SLC68A1: variants seen among roughly 807,000 people sequenced by gnomAD.
SLC68A1 encodes solute carrier family 68 member 1.
chr10:102,475,181 A>G, the SLC68A1 span, among the ~76,000 whole-genome samples: 1 of 152,224 alleles, frequency 6.6e-6, no homozygotes, highest in South Asian at 2.1e-4. Context: ...CTGTAGCCCC[A>G]GCTATTTGGG....
chr10:102,469,131 G>A, the SLC68A1 span: 1 of 1,614,152 alleles, frequency 6.2e-7, no homozygotes, highest in Non-Finnish European at 8.5e-7. Context: ...ATGTCTTCCT[G>A]CTCTACTATG....
the SLC68A1 span, among the ~76,000 whole-genome samples, chr10:102,464,495 A>C: frequency 1.3e-5 from 2 of 151,536 alleles, no homozygotes; most frequent in African/African-American, 4.9e-5. Context: ...AAATGGAAAG[A>C]AAATGGCTAC....
chr10:102,475,250 C>T, the SLC68A1 span, among the ~76,000 whole-genome samples: 2 of 151,506 alleles, frequency 1.3e-5, no homozygotes, highest in African/African-American at 2.4e-5. Context: ...GAGTGGAGAT[C>T]GTGCTACTTC....
the SLC68A1 span, among the ~76,000 whole-genome samples, chr10:102,474,494 G>C: frequency 6.6e-6 from 1 of 152,124 alleles, no homozygotes; most frequent in Non-Finnish European, 1.5e-5. Flanking sequence ...GATTTGTCTA[G>C]AAAAGGTCTC....
At chr10:102,470,021 A>T in the SLC68A1 span, 62 of 1,613,886 alleles carry the variant, frequency 3.8e-5, no homozygotes, top group Non-Finnish European at 4.7e-5. Flanking sequence ...AACAGCCTCA[A>T]TGACCCCCTC....
the SLC68A1 span, chr10:102,476,094 G>C: frequency 8.6e-7 from 1 of 1,167,048 alleles, no homozygotes; most frequent in Non-Finnish European, 1.1e-6. Flanking sequence ...TTTTTTTTTT[G>C]GAGCTGTTGC....
the SLC68A1 span, among the ~76,000 whole-genome samples, chr10:102,462,363 CAG>C: frequency 2.0e-5 from 3 of 152,206 alleles, no homozygotes; most frequent in African/African-American, 7.2e-5. Flanking sequence ...GGAATAGACT[CAG>C]ATAGTAAGTT....
chr10:102,471,432 G>A, the SLC68A1 span: 13 of 1,598,102 alleles, frequency 8.1e-6, no homozygotes, highest in Non-Finnish European at 9.4e-6. Context: ...CTACAGCTGG[G>A]CTGGACTTCA....
At chr10:102,472,830 CT>C in the SLC68A1 span, 1 of 1,599,928 alleles carries the variant, frequency 6.3e-7, no homozygotes, top group Non-Finnish European at 8.6e-7. Context: ...TGGAAGCCTC[CT>C]CACCATCCCT....
chr10:102,471,258 C>A, the SLC68A1 span: 1 of 1,610,576 alleles, frequency 6.2e-7, no homozygotes, highest in Non-Finnish European at 8.5e-7. Flanking sequence ...TTCTCCACTC[C>A]CTTCTGCCCC....
chr10:102,469,901 A>T, the SLC68A1 span: 21 of 1,503,784 alleles, frequency 1.4e-5, no homozygotes, highest in Admixed American at 2.1e-5. Flanking sequence ...AGCTGGGGCC[A>T]TCTTTCAGGG....
At chr10:102,470,627 G>T in the SLC68A1 span, 4 of 1,585,130 alleles carry the variant, frequency 2.5e-6, no homozygotes, top group South Asian at 3.4e-5. Context: ...TGCCAAGTCT[G>T]ACACGGCATC....
chr10:102,470,864 G>C, the SLC68A1 span: 2 of 1,613,262 alleles, frequency 1.2e-6, no homozygotes. Flanking sequence ...CTTGCTGGCC[G>C]ACCTGGCCCT....
At chr10:102,466,888 C>T in the SLC68A1 span, among the ~76,000 whole-genome samples, 1 of 152,268 alleles carries the variant, frequency 6.6e-6, no homozygotes, top group African/African-American at 2.4e-5. Flanking sequence ...TTGTGCTTTA[C>T]AGCCCTAAGC....
chr10:102,476,088 T>A, the SLC68A1 span: 1 of 1,298,016 alleles, frequency 7.7e-7, no homozygotes. Flanking sequence ...TTTTTTTTTT[T>A]TTTTTGGAGC....
At chr10:102,473,774 C>G in the SLC68A1 span, 22 of 1,606,884 alleles carry the variant, frequency 1.4e-5, no homozygotes, top group Non-Finnish European at 1.9e-5. Flanking sequence ...CGCAACACCT[C>G]CATCCCATGC....
chr10:102,463,244 C>T, the SLC68A1 span, among the ~76,000 whole-genome samples: 4 of 150,534 alleles, frequency 2.7e-5, no homozygotes, highest in African/African-American at 9.8e-5. Flanking sequence ...GCGATTTCGG[C>T]TCACTGCAAG....
chr10:102,462,500 ATTC>A, the SLC68A1 span, among the ~76,000 whole-genome samples: 32 of 152,232 alleles, frequency 2.1e-4, no homozygotes, highest in East Asian at 1.9e-3. Flanking sequence ...CCAGTTCGGC[ATTC>A]TTGGTTTCCG....
the SLC68A1 span, chr10:102,471,023 G>C: frequency 6.2e-7 from 1 of 1,613,576 alleles, no homozygotes; most frequent in Non-Finnish European, 8.5e-7. Context: ...TGTCAGCTCT[G>C]GGCTGGGCTT....
Sources: gnomAD v4.1 joint callset for allele counts (sites outside exome capture counted in the v4.1 genomes callset) on GRCh38, gnomAD v4.1.1 for gene constraint, MANE v1.5 for transcripts, NCBI Gene and HGNC (gene_info 2026-07-23, HGNC 2026-07-21) for gene names.